The following TRAK1 variants were observed in gnomAD, a reference collection of about 807,000 sequenced individuals.
TRAK1 encodes the protein trafficking kinesin protein 1.
TRAK1 carries 33 observed loss-of-function variants against 92.1 expected under a neutral mutation model. The ratio of observed to expected loss-of-function variants is 0.36; its 90% CI spans 0.27 to 0.48. TRAK1 has a LOEUF of 0.48. Ranked by LOEUF, TRAK1 falls within the 20% of genes least tolerant of loss-of-function variation. The probability of loss-of-function intolerance (pLI) is 0.99; values close to 1 mark genes in which losing one functional copy is unlikely to be tolerated. For missense variants in TRAK1, 1,123 were observed against 1,257.9 expected, an observed-to-expected ratio of 0.89 and a Z score of 1.62; for synonymous variants, 521 against 517.3, an observed-to-expected ratio of 1.01 and a Z score of -0.10.
chr3:42,083,759 C>T (rs1022028894), upstream of TRAK1, among the ~76,000 whole-genome samples: 24 of 152,090 alleles, frequency 1.6e-4, no homozygotes, highest in Non-Finnish European at 3.1e-4. Flanking sequence ...CCTGTAGTCT[C>T]AGCTACAGGC....
intron 2 of TRAK1, among the ~76,000 whole-genome samples, chr3:42,164,748 A>C (rs1029427492): frequency 6.6e-6 from 1 of 152,140 alleles, no homozygotes; most frequent in South Asian, 2.1e-4. Context: ...TGAGAAAGCA[A>C]AATTGATCTC....
At chr3:42,146,635 A>G (rs1278939046) in intron 2 of TRAK1, among the ~76,000 whole-genome samples, 1 of 152,200 alleles carries the variant, frequency 6.6e-6, no homozygotes, top group Non-Finnish European at 1.5e-5. Flanking sequence ...TCTCACTGCA[A>G]CTTTGAAGTC....
chr3:42,064,877 C>G (rs539326591), intron 1 of TRAK1, among the ~76,000 whole-genome samples: 2 of 152,032 alleles, frequency 1.3e-5, no homozygotes, highest in East Asian at 3.9e-4. Flanking sequence ...ACGGTGAAAC[C>G]CTGTCTCTAC....
chr3:42,027,097 C>T (rs1701950738), intron 1 of TRAK1, among the ~76,000 whole-genome samples: 2 of 152,142 alleles, frequency 1.3e-5, no homozygotes, highest in Non-Finnish European at 1.5e-5. Flanking sequence ...GATATATTTA[C>T]ACTAATTTTA....
chr3:42,083,464 T>C (rs1704527158), upstream of TRAK1, among the ~76,000 whole-genome samples: 1 of 152,230 alleles, frequency 6.6e-6, no homozygotes, highest in African/African-American at 2.4e-5. Flanking sequence ...TCAGCAGACT[T>C]GGATCCCCTC....
At chr3:42,148,260 C>T (rs1326026800) in intron 2 of TRAK1, among the ~76,000 whole-genome samples, 2 of 152,056 alleles carry the variant, frequency 1.3e-5, no homozygotes, top group Non-Finnish European at 2.9e-5. Flanking sequence ...TGGGTAGGCA[C>T]CAGGGTTGCT....
At chr3:42,214,002 A>C (rs1397166017) in intron 14 of TRAK1, among the ~76,000 whole-genome samples, 1 of 152,208 alleles carries the variant, frequency 6.6e-6, no homozygotes, top group Non-Finnish European at 1.5e-5. Flanking sequence ...AAACAGGCCA[A>C]CTGCCACCTG....
At chr3:42,056,313 G>T (rs1222820170) in intron 1 of TRAK1, among the ~76,000 whole-genome samples, 1 of 152,132 alleles carries the variant, frequency 6.6e-6, no homozygotes, top group African/African-American at 2.4e-5. Flanking sequence ...AGTGAGTGAG[G>T]GTTCTGGTTT....
At position 42,079,474 on chromosome 3, in the gene TRAK1, C is replaced by CTTTTTTTTTTTTTTTTTTTTTTTTTT. The variant is rs374173062; in HGVS notation, c.-518-7628_-518-7627insTTTTTTTTTTTTTTTTTTTTTTTTTT. 2.2e-5 allele frequency among the ~76,000 whole-genome samples: 3 copies of CTTTTTTTTTTTTTTTTTTTTTTTTTT among 133,944 alleles called. 1 individual carries two copies. Among genetic ancestry groups the CTTTTTTTTTTTTTTTTTTTTTTTTTT allele is most frequent in the Non-Finnish European group, 3.1e-5 (2 of 63,780 alleles). The allele number at this position is 133,944 out of a possible 152,430, so 87.9% of individuals were successfully genotyped here. ...GAGTTTGTCGTGAAGGAAGCTCCTTCTTCTTTTTTTTTTTTTTTTGTTTTG... is the reference window on the plus strand; with the variant it reads ...GAGTTTGTCGTGAAGGAAGCTCCTTCTTTTTTTTTTTTTTTTTTTTTTTTTTTTCTTTTTTTTTTTTTTTTGTTTTG... On this transcript the variant is annotated intron_variant, in intron 1 of 16. Coordinates refer to the TRAK1 transcript ENST00000487159.
intron 1 of TRAK1, among the ~76,000 whole-genome samples, chr3:42,099,700 A>G (rs1706460982): frequency 1.3e-5 from 2 of 152,182 alleles, no homozygotes; most frequent in Non-Finnish European, 2.9e-5. Context: ...AGCTTATCTC[A>G]TAAATATAAT....
intron 14 of TRAK1, among the ~76,000 whole-genome samples, chr3:42,215,787 G>T (rs1430461770): frequency 6.6e-6 from 1 of 152,140 alleles, no homozygotes; most frequent in African/African-American, 2.4e-5. Flanking sequence ...AAAATAGCTT[G>T]GGTGTGTGGC....
chr3:42,050,542 T>G (rs1702938683), intron 1 of TRAK1, among the ~76,000 whole-genome samples: 1 of 152,226 alleles, frequency 6.6e-6, no homozygotes. Context: ...CTTGGCCTTG[T>G]CCCATTAAGG....
At chr3:42,066,076 A>G (rs1425686425) in intron 1 of TRAK1, among the ~76,000 whole-genome samples, 5 of 152,184 alleles carry the variant, frequency 3.3e-5, no homozygotes, top group Non-Finnish European at 7.3e-5. Context: ...CTGTGATCCC[A>G]GCATTTTGGG....
At chr3:42,136,645 A>AAAAT (rs1553729334) in intron 2 of TRAK1, among the ~76,000 whole-genome samples, 259 of 136,490 alleles carry the variant, frequency 1.9e-3, no homozygotes, top group African/African-American at 5.8e-3. Flanking sequence ...AAATAAATAA[A>AAAAT]AAATAAATAA....
intron 1 of TRAK1, among the ~76,000 whole-genome samples, chr3:42,070,603 A>T (rs1321916240): frequency 1.3e-5 from 2 of 151,918 alleles, no homozygotes; most frequent in Non-Finnish European, 2.9e-5. Flanking sequence ...AATTTTGTTT[A>T]TTTTTTGTAG....
At chr3:42,213,054 ATTTTTTTTT>A (rs34073573) in intron 14 of TRAK1, among the ~76,000 whole-genome samples, 214 of 113,078 alleles carry the variant, frequency 1.9e-3, no homozygotes, top group Non-Finnish European at 3.1e-3. Flanking sequence ...TGGAGCTGAG[ATTTTTTTTT>A]TTTTTTTTTT....
At chr3:42,021,059 T>C (rs1298554725) in intron 1 of TRAK1, among the ~76,000 whole-genome samples, 1 of 152,122 alleles carries the variant, frequency 6.6e-6, no homozygotes, top group Non-Finnish European at 1.5e-5. Context: ...TACTGGAGAA[T>C]TAAAAACTCA....
intron 2 of TRAK1, among the ~76,000 whole-genome samples, chr3:42,145,027 A>T (rs967987168): frequency 6.6e-6 from 1 of 152,228 alleles, no homozygotes; most frequent in Non-Finnish European, 1.5e-5. Flanking sequence ...CAAGTAATAC[A>T]TGCGGATTGA....
intron 2 of TRAK1, among the ~76,000 whole-genome samples, chr3:42,147,251 A>G (rs905194315): frequency 6.6e-6 from 1 of 152,210 alleles, no homozygotes; most frequent in African/African-American, 2.4e-5. Flanking sequence ...AAAACTGAAA[A>G]TGTATATTCA....
Sources: allele counts gnomAD v4.1 joint callset (sites outside exome capture counted in the v4.1 genomes callset), GRCh38; gene constraint gnomAD v4.1.1; transcripts MANE v1.5; gene names NCBI Gene and HGNC (gene_info 2026-07-23, HGNC 2026-07-21).